Variants in EFCAB11 observed in about 807,000 individuals in gnomAD.
The protein encoded by EFCAB11 is EF-hand calcium binding domain 11.
Under a neutral mutation model 23.0 loss-of-function variants are expected in EFCAB11, and 14 were observed. The observed-to-expected ratio is 0.61, with a 90% confidence interval of 0.40 to 0.95. The LOEUF (loss-of-function observed/expected upper bound fraction) is 0.95, where lower values mean the gene tolerates loss of function less well. EFCAB11 is among the 40% of genes least tolerant of loss of function. The pLI is 0.00. For synonymous variants in EFCAB11, 65 were observed against 66.6 expected (o/e 0.98, Z 0.11); for missense variants, 198 against 195.8 (o/e 1.01, Z -0.07).
chr14:89,896,889 A>C (rs558052840), intron 5 of EFCAB11, among the ~76,000 whole-genome samples: 26 of 152,170 alleles, frequency 1.7e-4, no homozygotes, highest in African/African-American at 6.3e-4. Context: ...ACACCTGGCT[A>C]ATTTTTATTT....
intron 5 of EFCAB11, among the ~76,000 whole-genome samples, chr14:89,854,070 C>T (rs552370708): frequency 3.9e-5 from 6 of 151,964 alleles, no homozygotes; most frequent in African/African-American, 1.4e-4. Context: ...AGTCAGATAG[C>T]AAGTGCTTAA....
chr14:89,851,640 G>A (rs192594461), intron 5 of EFCAB11, among the ~76,000 whole-genome samples: 3 of 152,262 alleles, frequency 2.0e-5, no homozygotes, highest in South Asian at 2.1e-4. Flanking sequence ...TGAGAGAAAC[G>A]AAAAGCAAAT....
chr14:89,895,138 G>T (rs1889115358), intron 5 of EFCAB11, among the ~76,000 whole-genome samples: 1 of 152,126 alleles, frequency 6.6e-6, no homozygotes, highest in African/African-American at 2.4e-5. Flanking sequence ...TAGAATGGGG[G>T]TTGGCATATA....
intron 5 of EFCAB11, among the ~76,000 whole-genome samples, chr14:89,894,223 TACA>T (rs1889086027): frequency 6.6e-6 from 1 of 152,174 alleles, no homozygotes; most frequent in Non-Finnish European, 1.5e-5. Flanking sequence ...GTGCTGGGAT[TACA>T]GGCGTGAGCC....
intron 3 of EFCAB11, among the ~76,000 whole-genome samples, chr14:89,944,113 T>A (rs1596469626): frequency 6.6e-6 from 1 of 152,352 alleles, no homozygotes; most frequent in East Asian, 1.9e-4. Context: ...ATGCTGCTGA[T>A]AAAGATGAGA....
chr14:89,797,295 A>T lies in EFCAB11; in HGVS notation c.440T>A (p.Val147Asp), dbSNP rs1485048162. The change falls in exon 6 of 6, where the codon GTC (valine) becomes GAC (aspartate). Residue 147 changes from valine (V) to aspartate (D), a missense_variant. Coordinates refer to ENST00000316738, the MANE Select transcript of EFCAB11 (RefSeq NM_145231.4). ...REVDRDSDGH[V>D]SFRDFEYALN... is the part of the protein sequence containing the mutation. Reference sequence around the variant, plus strand: ...GGCATATTCAAAGTCTCTAAAGCTGACGTGACCATCTGAATCTCGATCTAC... The same window carrying T: ...GGCATATTCAAAGTCTCTAAAGCTGTCGTGACCATCTGAATCTCGATCTAC... 3 of 1,613,272 alleles carry T rather than the reference A, an allele frequency of 1.9e-6. No homozygotes were observed. In the African/African-American group the frequency reaches 4.0e-5, roughly 22 times the overall value.
chr14:89,823,756 G>T (rs762907253), intron 5 of EFCAB11, among the ~76,000 whole-genome samples: 1 of 152,178 alleles, frequency 6.6e-6, no homozygotes, highest in Non-Finnish European at 1.5e-5. Flanking sequence ...TAAAAACCCA[G>T]TGGAACTTCT....
intron 5 of EFCAB11, among the ~76,000 whole-genome samples, chr14:89,872,041 G>A (rs1242324250): frequency 6.6e-6 from 1 of 152,184 alleles, no homozygotes; most frequent in African/African-American, 2.4e-5. Flanking sequence ...AGTAACTGAT[G>A]AAAAGGAAGA....
intron 5 of EFCAB11, among the ~76,000 whole-genome samples, chr14:89,804,491 T>C (rs1261097742): frequency 1.3e-5 from 2 of 152,210 alleles, no homozygotes; most frequent in African/African-American, 4.8e-5. Flanking sequence ...CAATCGCTCA[T>C]AGTAGTAATG....
At chr14:89,908,750 A>G (rs1233124397) in intron 5 of EFCAB11, among the ~76,000 whole-genome samples, 1 of 152,118 alleles carries the variant, frequency 6.6e-6, no homozygotes, top group East Asian at 1.9e-4. Context: ...CTATGTAGGT[A>G]TACAATGGAG....
intron 5 of EFCAB11, among the ~76,000 whole-genome samples, chr14:89,886,754 T>C (rs537484681): frequency 2.0e-5 from 3 of 152,324 alleles, no homozygotes; most frequent in Admixed American, 6.5e-5. Flanking sequence ...TCAAAGTATG[T>C]ATTTAGTATC....
At chr14:89,817,582 C>T (rs956011902) in intron 5 of EFCAB11, among the ~76,000 whole-genome samples, 1 of 151,988 alleles carries the variant, frequency 6.6e-6, no homozygotes, top group African/African-American at 2.4e-5. Flanking sequence ...AGAATAAATA[C>T]ATTGTAAAGA....
Position 89,871,525 on chromosome 14 carries a change from T to G in EFCAB11, c.410+60016A>C, listed in dbSNP as rs376803009. ...TCTAGGCAATTATCTGTGAATCCAC[T>G]GCAAGTCCCTCCCCAACTCCTCCTT... On this transcript the variant is annotated intron_variant, in intron 5 of 5. Transcript: ENST00000316738. Among the ~76,000 whole-genome samples, 21 of 152,232 alleles carry G rather than the reference T, an allele frequency of 1.4e-4. No individual in the cohort carries two copies. In the East Asian group the frequency reaches 3.9e-3, roughly 28 times the overall value.
chr14:89,798,567 G>A (rs764383105), intron 5 of EFCAB11, among the ~76,000 whole-genome samples: 5 of 152,086 alleles, frequency 3.3e-5, no homozygotes, highest in Admixed American at 6.6e-5. Flanking sequence ...TTAGATAAAC[G>A]GCCTTTTTTC....
At chr14:89,880,613 C>A (rs1163632530) in intron 5 of EFCAB11, among the ~76,000 whole-genome samples, 1 of 151,162 alleles carries the variant, frequency 6.6e-6, no homozygotes, top group Non-Finnish European at 1.5e-5. Flanking sequence ...ATAATGAAAT[C>A]GAAATAAAAT....
At chr14:89,837,756 T>C (rs1026772198) in intron 5 of EFCAB11, among the ~76,000 whole-genome samples, 7 of 152,052 alleles carry the variant, frequency 4.6e-5, no homozygotes, top group Admixed American at 3.9e-4. Context: ...GGGCAGGTGC[T>C]GAAAAGACAT....
intron 3 of EFCAB11, among the ~76,000 whole-genome samples, chr14:89,943,888 G>A (rs1298727852): frequency 6.6e-6 from 1 of 152,100 alleles, no homozygotes; most frequent in Non-Finnish European, 1.5e-5. Context: ...GGAGAATACA[G>A]GTGGGGACTG....
chr14:89,888,258 G>C (rs903702483), intron 5 of EFCAB11, among the ~76,000 whole-genome samples: 2 of 152,186 alleles, frequency 1.3e-5, no homozygotes, highest in Admixed American at 6.5e-5. Flanking sequence ...CCTTATAAGG[G>C]GCTGAAGAGA....
intron 5 of EFCAB11, among the ~76,000 whole-genome samples, chr14:89,916,110 A>T (rs1596451733): frequency 6.6e-6 from 1 of 151,944 alleles, no homozygotes; most frequent in Non-Finnish European, 1.5e-5. Context: ...GAACAGTCTA[A>T]TTTTTCCCCC....
Sources: allele counts gnomAD v4.1 joint callset (sites outside exome capture counted in the v4.1 genomes callset), GRCh38; gene constraint gnomAD v4.1.1; transcripts MANE v1.5; gene names NCBI Gene and HGNC (gene_info 2026-07-23, HGNC 2026-07-21).